RFC3: variants seen among roughly 807,000 people sequenced by gnomAD.
RFC3 encodes A1 38 kDa subunit.
In RFC3, 41 loss-of-function variants were observed where a neutral mutation model predicts 45.1. That is an observed-to-expected ratio of 0.91 (90% CI 0.71 to 1.18). The LOEUF is 1.18. Among genes scored for constraint, RFC3 ranks in the 50% most tolerant of loss-of-function variants. The probability of loss-of-function intolerance (pLI) is 0.00; values close to 1 mark genes in which losing one functional copy is unlikely to be tolerated. For synonymous variants in RFC3, 149 were observed against 144.0 expected (o/e 1.03, Z -0.25); for missense variants, 423 against 428.1 (o/e 0.99, Z 0.10).
chr13:33,976,543 TTAA>T, the RFC3 span, among the ~76,000 whole-genome samples: 2 of 152,112 alleles, frequency 1.3e-5, no homozygotes, highest in African/African-American at 4.8e-5. Context: ...ATTTTATACT[TTAA>T]AGTAGCTAGA....
chr13:33,888,559 A>G (rs998915231), intron 8 of RFC3, among the ~76,000 whole-genome samples: 3 of 152,320 alleles, frequency 2.0e-5, no homozygotes, highest in Middle Eastern at 3.4e-3. Context: ...CCTGTATACA[A>G]TAGATGCTCA....
chr13:33,928,884 A>T (rs1460490345), intron 8 of RFC3, among the ~76,000 whole-genome samples: 1 of 152,160 alleles, frequency 6.6e-6, no homozygotes, highest in Non-Finnish European at 1.5e-5. Flanking sequence ...CCTAGAAAAT[A>T]GAATTGGGAT....
At chr13:33,937,891 ATC>A (rs1025637505) in intron 8 of RFC3, among the ~76,000 whole-genome samples, 1 of 152,124 alleles carries the variant, frequency 6.6e-6, no homozygotes, top group Non-Finnish European at 1.5e-5. Flanking sequence ...CCTGTGGAGT[ATC>A]TGGCTCTCCT....
At chr13:33,843,407 T>A (rs1432305566) in intron 8 of RFC3, among the ~76,000 whole-genome samples, 3 of 152,202 alleles carry the variant, frequency 2.0e-5, no homozygotes, top group Admixed American at 2.0e-4. Flanking sequence ...TATGGTACCT[T>A]TGTGGCTTAG....
At chr13:33,831,144 C>G (rs1266535616) in intron 6 of RFC3, 112 bp from the exon 7 acceptor site, 7 of 693,950 alleles carry the variant, frequency 1.0e-5, no homozygotes, top group Non-Finnish European at 1.8e-5. Context: ...CCGCTGCTCA[C>G]TCCTGCTGTG....
At chr13:33,969,621 G>A (rs1316712694), downstream of RFC3, among the ~76,000 whole-genome samples, 1 of 152,218 alleles carries the variant, frequency 6.6e-6, no homozygotes, top group East Asian at 1.9e-4. Context: ...AGGGCTGAGA[G>A]TGATGTTCTT....
At position 33,837,027 on chromosome 13, in the gene RFC3, T is replaced by C. The variant is rs116250191; in HGVS notation, c.*732T>C. The C allele has an allele frequency of 1.9e-3, 1,915 of 984,920 alleles. 22 individuals carry two copies. In the African/African-American group the frequency reaches 0.031, roughly 16 times the overall value. The allele number at this position is 984,920 out of a possible 1,614,324, so 61.0% of individuals were successfully genotyped here. On this transcript the variant is annotated 3_prime_UTR_variant, in exon 9 of 9. Coordinates refer to ENST00000380071, the MANE Select transcript of RFC3 (RefSeq NM_002915.4). ...TGCCCTTTTTAATTAAATATTTTGG[T>C]TCATGGACCAAAGGGTTTACTTGAC...
At chr13:33,963,941 G>T (rs866281852) in intron 8 of RFC3, among the ~76,000 whole-genome samples, 3 of 152,182 alleles carry the variant, frequency 2.0e-5, no homozygotes, top group African/African-American at 4.8e-5. Flanking sequence ...GTTAAAGTGT[G>T]GGGTGATGAA....
At chr13:33,893,201 A>G (rs546029212) in intron 8 of RFC3, among the ~76,000 whole-genome samples, 1 of 152,154 alleles carries the variant, frequency 6.6e-6, no homozygotes, top group South Asian at 2.1e-4. Context: ...ATTCCACAGG[A>G]CCCCTGGGCA....
intron 8 of RFC3, among the ~76,000 whole-genome samples, chr13:33,923,082 G>A (rs1391186389): frequency 1.3e-5 from 2 of 152,002 alleles, no homozygotes; most frequent in Non-Finnish European, 2.9e-5. Flanking sequence ...GTCTTAAGTA[G>A]GGAATCAAAA....
At chr13:33,898,021 T>C (rs1039804797) in intron 8 of RFC3, among the ~76,000 whole-genome samples, 4 of 151,800 alleles carry the variant, frequency 2.6e-5, no homozygotes, top group Non-Finnish European at 5.9e-5. Context: ...CACTAACAGA[T>C]CTAAAGGGAG....
At chr13:33,955,203 G>A (rs938857422) in intron 8 of RFC3, among the ~76,000 whole-genome samples, 2 of 152,178 alleles carry the variant, frequency 1.3e-5, no homozygotes, top group African/African-American at 4.8e-5. Flanking sequence ...GAGAAATGAA[G>A]CCTTCTCAGA....
intron 1 of RFC3, among the ~76,000 whole-genome samples, chr13:33,820,902 CATATATATATTT>C (rs199833160): frequency 0.26 from 23,495 of 90,526 alleles, 2,674 homozygotes; most frequent in African/African-American, 0.43. Flanking sequence ...AACTTTTCAG[CATATATATATTT>C]ATATATATAT....
Position 33,948,716 on chromosome 13 carries a change from G to A in RFC3, c.880-17371G>A, listed in dbSNP as rs145870330. 4.2e-3 allele frequency among the ~76,000 whole-genome samples: 639 copies of A among 152,338 alleles called. 1 individual carries two copies. Among genetic ancestry groups the A allele is most frequent in the Middle Eastern group, 6.8e-3 (2 of 294 alleles). On this transcript the variant is annotated intron_variant, in intron 8 of 8. Transcript: ENST00000434425. ...TTGCATCAGCATGACCTGGACGTGA[G>A]ACATGGAGTTAAAGGAAATCATTTT...
At chr13:33,823,418 C>T (rs908806082) in intron 2 of RFC3, among the ~76,000 whole-genome samples, 2 of 152,084 alleles carry the variant, frequency 1.3e-5, no homozygotes, top group Non-Finnish European at 2.9e-5. Context: ...AACATCCATG[C>T]CATAGGTTGG....
At chr13:33,884,912 A>T (rs1171745011) in intron 8 of RFC3, among the ~76,000 whole-genome samples, 2 of 152,240 alleles carry the variant, frequency 1.3e-5, no homozygotes, top group Non-Finnish European at 2.9e-5. Context: ...TTTCAAGATC[A>T]ACTTTTCCTA....
rs570275496 is a variant in RFC3, at chr13:33,824,000, A to G, written c.293+16A>G. On this transcript the variant is annotated intron_variant, in intron 3 of 8. Coordinates refer to ENST00000380071, the MANE Select transcript of RFC3 (RefSeq NM_002915.4). ...TTAATCCTAGGTAAGTTACTACTAT[A>G]TAGAAATTAAGTATTTTTAAAGAAA... 26 of 1,285,994 alleles carry G rather than the reference A, an allele frequency of 2.0e-5. No individual in the cohort carries two copies. The South Asian group carries it at 2.8e-4, about 14-fold the overall frequency. The allele number at this position is 1,285,994 out of a possible 1,614,324, so 79.7% of individuals were successfully genotyped here. A position where few individuals can be genotyped will look rare whatever the true frequency, so the allele number is the denominator to read the frequency against.
Position 33,901,057 on chromosome 13 carries a change from T to C in RFC3, c.880-65030T>C, listed in dbSNP as rs183319870. ...AGACAATAATGGATGCTGGTGAGGA[T>C]GTGGAGAGAGGGGGACCCCTTATAC... On this transcript the variant is annotated intron_variant, in intron 8 of 8. Coordinates refer to the RFC3 transcript ENST00000434425. 3.6e-3 allele frequency among the ~76,000 whole-genome samples: 542 copies of C among 152,026 alleles called. 4 individuals are homozygous for C. The highest frequency in any genetic ancestry group is 0.012 in the African/African-American group (508 of 41,548).
At chr13:33,899,623 G>C (rs1451766242) in intron 8 of RFC3, among the ~76,000 whole-genome samples, 1 of 151,676 alleles carries the variant, frequency 6.6e-6, no homozygotes, top group Non-Finnish European at 1.5e-5. Flanking sequence ...TCTGCAAAAA[G>C]ACAAGGATGC....
Sources: allele counts gnomAD v4.1 joint callset (sites outside exome capture counted in the v4.1 genomes callset), GRCh38; gene constraint gnomAD v4.1.1; transcripts MANE v1.5; gene names NCBI Gene and HGNC (gene_info 2026-07-23, HGNC 2026-07-21).